The following NREP variants were observed in gnomAD, a reference collection of about 807,000 sequenced individuals.
NREP encodes the protein neuronal regeneration related protein, also known as neuronal regeneration-related protein.
A neutral mutation model predicts 8.6 loss-of-function variants in NREP; 5 were observed. That is an observed-to-expected ratio of 0.58 (90% CI 0.30 to 1.22). NREP has a LOEUF of 1.22. Among genes scored for constraint, NREP ranks in the 50% most tolerant of loss-of-function variants. The pLI, the probability that NREP is intolerant of heterozygous loss-of-function variation, is 0.07. For missense variants in NREP, 86 were observed against 82.5 expected, an observed-to-expected ratio of 1.04 and a Z score of -0.17; for synonymous variants, 27 against 28.0, an observed-to-expected ratio of 0.96 and a Z score of 0.11.
chr5:111,852,133 A>T (rs1753325177), intron 2 of NREP, among the ~76,000 whole-genome samples: 2 of 152,200 alleles, frequency 1.3e-5, no homozygotes, highest in African/African-American at 4.8e-5. Context: ...GCCTTTCTAT[A>T]TTCCACCAGG....
intron 2 of NREP, among the ~76,000 whole-genome samples, chr5:111,817,025 C>T (rs1297634682): frequency 1.3e-5 from 2 of 151,976 alleles, no homozygotes; most frequent in African/African-American, 4.8e-5. Context: ...ATTCCTATAA[C>T]TAGTTGATGT....
intron 2 of NREP, among the ~76,000 whole-genome samples, chr5:111,767,791 G>A (rs1323787682): frequency 2.0e-5 from 3 of 151,972 alleles, no homozygotes; most frequent in African/African-American, 7.2e-5. Context: ...TCAGCCTCCT[G>A]AGTAGATGGA....
At chr5:111,946,074 T>TCTCACACA (rs148245048) in intron 2 of NREP, among the ~76,000 whole-genome samples, 14 of 126,822 alleles carry the variant, frequency 1.1e-4, no homozygotes, top group African/African-American at 4.0e-4. Context: ...GAGATTTTGA[T>TCTCACACA]CACACACACA....
intron 2 of NREP, among the ~76,000 whole-genome samples, chr5:111,776,452 A>T (rs1418889360): frequency 6.6e-6 from 1 of 152,104 alleles, no homozygotes; most frequent in African/African-American, 2.4e-5. Flanking sequence ...CTATTGCATG[A>T]CCCCAGCTGC....
At chr5:111,889,714 C>T (rs913254162) in intron 2 of NREP, among the ~76,000 whole-genome samples, 2 of 152,136 alleles carry the variant, frequency 1.3e-5, no homozygotes, top group Non-Finnish European at 2.9e-5. Context: ...TGAAGAGAAT[C>T]CACCAGCAGG....
At chr5:111,912,479 T>A (rs1212589775) in intron 2 of NREP, 2 of 152,118 alleles carry the variant, frequency 1.3e-5, no homozygotes, top group Non-Finnish European at 2.9e-5. Flanking sequence ...CTATTCTATC[T>A]GTATCTCTGA....
intron 2 of NREP, among the ~76,000 whole-genome samples, chr5:111,839,027 A>C (rs1369305175): frequency 6.6e-6 from 1 of 152,064 alleles, no homozygotes; most frequent in East Asian, 1.9e-4. Flanking sequence ...GAAGTATTTC[A>C]GAATGGGATG....
intron 2 of NREP, among the ~76,000 whole-genome samples, chr5:111,754,030 G>A (rs1268087095): frequency 6.6e-6 from 1 of 152,150 alleles, no homozygotes; most frequent in Admixed American, 6.5e-5. Context: ...TTTCATTTCA[G>A]GCAATGGGCT....
intron 2 of NREP, among the ~76,000 whole-genome samples, chr5:111,796,051 T>C (rs1388151597): frequency 6.6e-6 from 1 of 152,216 alleles, no homozygotes. Context: ...GTCAGAAGTC[T>C]GAAATGGTTT....
chr5:111,949,103 C>G (rs188474642), intron 2 of NREP: 1 of 152,186 alleles, frequency 6.6e-6, no homozygotes, highest in African/African-American at 2.4e-5. Context: ...GTTTCCTCAA[C>G]CAGCAATTTC....
intron 2 of NREP, among the ~76,000 whole-genome samples, chr5:111,907,355 T>C (rs1754803561): frequency 6.6e-6 from 1 of 152,116 alleles, no homozygotes; most frequent in Non-Finnish European, 1.5e-5. Context: ...CGTGTTCGTA[T>C]CTGTGAAATC....
At chr5:111,830,692 T>C (rs1418725861) in intron 2 of NREP, among the ~76,000 whole-genome samples, 2 of 152,230 alleles carry the variant, frequency 1.3e-5, no homozygotes, top group Non-Finnish European at 2.9e-5. Context: ...TAGATATACC[T>C]GTTTGAGTAT....
intron 2 of NREP, among the ~76,000 whole-genome samples, chr5:111,782,088 T>C (rs1178847668): frequency 6.6e-6 from 1 of 152,218 alleles, no homozygotes; most frequent in East Asian, 1.9e-4. Context: ...GAAATGTCAT[T>C]AATAATATGC....
intron 2 of NREP, among the ~76,000 whole-genome samples, chr5:111,774,225 A>AAGGG (rs749509161): frequency 1.1e-4 from 16 of 149,478 alleles, no homozygotes; most frequent in Admixed American, 2.7e-4. Context: ...AGGAAGGAAG[A>AAGGG]AGGGAGGGAA....
upstream of NREP, among the ~76,000 whole-genome samples, chr5:111,759,306 T>C (rs1203499034): frequency 1.3e-5 from 2 of 152,236 alleles, no homozygotes; most frequent in Non-Finnish European, 2.9e-5. Flanking sequence ...AAGCTGCTTC[T>C]ACAAGGAAAC....
At chr5:111,774,009 G>C (rs956840303) in intron 2 of NREP, among the ~76,000 whole-genome samples, 1 of 152,128 alleles carries the variant, frequency 6.6e-6, no homozygotes, top group Non-Finnish European at 1.5e-5. Context: ...TTTCTACTCT[G>C]ATCTGAGAAT....
At chr5:111,830,808 T>A (rs561531684) in intron 2 of NREP, among the ~76,000 whole-genome samples, 9 of 152,224 alleles carry the variant, frequency 5.9e-5, no homozygotes, top group Non-Finnish European at 1.3e-4. Flanking sequence ...ACACCATGAT[T>A]CTACTGATAA....
chr5:111,753,768 T>G (rs1750528236), intron 2 of NREP, among the ~76,000 whole-genome samples: 1 of 152,136 alleles, frequency 6.6e-6, no homozygotes, highest in Non-Finnish European at 1.5e-5. Flanking sequence ...GTCTTCACTC[T>G]AAGTAAGCCA....
chr5:111,847,353 T>G (rs1003258112), intron 2 of NREP, among the ~76,000 whole-genome samples: 1 of 152,128 alleles, frequency 6.6e-6, no homozygotes, highest in Non-Finnish European at 1.5e-5. Flanking sequence ...TGTAGGGGAA[T>G]AAATCCTACT....
Sources: gnomAD v4.1 joint callset for allele counts (sites outside exome capture counted in the v4.1 genomes callset) on GRCh38, gnomAD v4.1.1 for gene constraint, MANE v1.5 for transcripts, NCBI Gene and HGNC (gene_info 2026-07-23, HGNC 2026-07-21) for gene names.